Variants in LINGO2 observed in about 807,000 individuals in gnomAD.
LINGO2 encodes the protein leucine rich repeat and Ig domain containing 2.
LINGO2 carries 14 observed loss-of-function variants against 30.6 expected under a neutral mutation model. That is an observed-to-expected ratio of 0.46 (90% CI 0.30 to 0.72). The LOEUF (loss-of-function observed/expected upper bound fraction) is 0.72. Ranked by LOEUF, LINGO2 falls within the 30% of genes least tolerant of loss-of-function variation. LINGO2 has a pLI of 0.07. For missense variants in LINGO2, 729 were observed against 751.7 expected (o/e 0.97, Z 0.35); for synonymous variants, 317 against 288.5 (o/e 1.10, Z -1.00).
chr9:29,011,779 G>T, the LINGO2 span, among the ~76,000 whole-genome samples: 2 of 151,992 alleles, frequency 1.3e-5, no homozygotes, highest in African/African-American at 2.4e-5. Flanking sequence ...CATTAACCCC[G>T]AATTTATTAA....
intron 1 of LINGO2, among the ~76,000 whole-genome samples, chr9:28,653,784 G>A (rs185596467): frequency 6.6e-6 from 1 of 152,074 alleles, no homozygotes; most frequent in African/African-American, 2.4e-5. Flanking sequence ...TGATTGGTTG[G>A]TTCTCTCTTT....
At chr9:28,547,485 A>G (rs1822009911) in intron 1 of LINGO2, among the ~76,000 whole-genome samples, 1 of 152,108 alleles carries the variant, frequency 6.6e-6, no homozygotes, top group Non-Finnish European at 1.5e-5. Context: ...TAGAAACACT[A>G]AATTACTGCT....
chr9:28,543,160 T>A (rs1010031625), intron 1 of LINGO2, among the ~76,000 whole-genome samples: 6 of 151,984 alleles, frequency 3.9e-5, no homozygotes, highest in African/African-American at 1.4e-4. Context: ...AATATGAGAC[T>A]TCAAAATCAC....
intron 1 of LINGO2, among the ~76,000 whole-genome samples, chr9:28,530,433 TA>T (rs1163878479): frequency 1.3e-5 from 2 of 151,716 alleles, no homozygotes; most frequent in African/African-American, 2.4e-5. Flanking sequence ...CCAGCAAAAA[TA>T]AAAAAAAGTG....
chr9:29,005,878 A>C, the LINGO2 span, among the ~76,000 whole-genome samples: 1 of 151,862 alleles, frequency 6.6e-6, no homozygotes, highest in Non-Finnish European at 1.5e-5. Flanking sequence ...TATTATTGTT[A>C]TTATTGTTGT....
At chr9:28,692,921 G>C in the LINGO2 span, among the ~76,000 whole-genome samples, 1 of 151,874 alleles carries the variant, frequency 6.6e-6, no homozygotes, top group African/African-American at 2.4e-5. Flanking sequence ...ACATTGTAGA[G>C]GAAAAGACTA....
chr9:29,148,082 G>A, the LINGO2 span, among the ~76,000 whole-genome samples: 1 of 151,902 alleles, frequency 6.6e-6, no homozygotes. Context: ...TAATATTAAT[G>A]GCATTCACAG....
At chr9:28,667,479 C>T (rs1483201751) in intron 1 of LINGO2, among the ~76,000 whole-genome samples, 4 of 152,128 alleles carry the variant, frequency 2.6e-5, no homozygotes, top group Non-Finnish European at 5.9e-5. Flanking sequence ...CACGGTGGCT[C>T]ACGCTTGTAA....
At chr9:28,047,456 C>A (rs946352641) in intron 4 of LINGO2, among the ~76,000 whole-genome samples, 1 of 143,070 alleles carries the variant, frequency 7.0e-6, no homozygotes, top group African/African-American at 2.7e-5. Flanking sequence ...AGCACAGTAA[C>A]TTTTTATTCA....
At chr9:28,989,518 T>A in the LINGO2 span, among the ~76,000 whole-genome samples, 9 of 152,314 alleles carry the variant, frequency 5.9e-5, no homozygotes, top group Non-Finnish European at 1.2e-4. Flanking sequence ...ATCTAGAGCC[T>A]TGATTGCCTA....
chr9:28,740,741 G>A, the LINGO2 span, among the ~76,000 whole-genome samples: 1 of 152,006 alleles, frequency 6.6e-6, no homozygotes, highest in Non-Finnish European at 1.5e-5. Context: ...CACACGTTGA[G>A]GGATGATTCA....
At chr9:28,044,815 C>G (rs1032290428) in intron 4 of LINGO2, among the ~76,000 whole-genome samples, 2 of 152,110 alleles carry the variant, frequency 1.3e-5, no homozygotes, top group African/African-American at 4.8e-5. Flanking sequence ...GAATCAGAGA[C>G]TTTTCCGTAG....
intron 4 of LINGO2, among the ~76,000 whole-genome samples, chr9:28,086,206 TAA>T (rs1825909650): frequency 2.0e-5 from 3 of 151,760 alleles, no homozygotes; most frequent in Non-Finnish European, 4.4e-5. Context: ...TTTTTAACTA[TAA>T]AAAAATCCAC....
At chr9:28,240,283 A>G (rs1821735181) in intron 4 of LINGO2, among the ~76,000 whole-genome samples, 1 of 152,290 alleles carries the variant, frequency 6.6e-6, no homozygotes, top group Admixed American at 6.5e-5. Flanking sequence ...AACAATCCTA[A>G]AATTGATATG....
chr9:29,038,870 C>A, the LINGO2 span, among the ~76,000 whole-genome samples: 1 of 152,050 alleles, frequency 6.6e-6, no homozygotes, highest in African/African-American at 2.4e-5. Context: ...ACGCCTTAAC[C>A]GAGCAAATGC....
chr9:28,968,794 G>C, the LINGO2 span, among the ~76,000 whole-genome samples: 7 of 152,080 alleles, frequency 4.6e-5, no homozygotes, highest in Non-Finnish European at 1.0e-4. Flanking sequence ...GATGTATAAA[G>C]TGCAATTTTA....
chr9:28,191,207 T>C (rs1318194058), intron 4 of LINGO2, among the ~76,000 whole-genome samples: 1 of 152,216 alleles, frequency 6.6e-6, no homozygotes, highest in Non-Finnish European at 1.5e-5. Context: ...AACATTTTTG[T>C]GTAAAAATAA....
chr9:28,826,534 A>G, the LINGO2 span, among the ~76,000 whole-genome samples: 1 of 152,090 alleles, frequency 6.6e-6, no homozygotes, highest in African/African-American at 2.4e-5. Flanking sequence ...AGTCTTGTTA[A>G]ATATGCTCCA....
At chr9:28,277,849 AC>A (rs376355851) in intron 4 of LINGO2, among the ~76,000 whole-genome samples, 2 of 143,916 alleles carry the variant, frequency 1.4e-5, no homozygotes, top group South Asian at 2.2e-4. Flanking sequence ...AAAAAAAAAA[AC>A]AAAAAAAAAA....
Sources: allele counts gnomAD v4.1 joint callset (sites outside exome capture counted in the v4.1 genomes callset), GRCh38; gene constraint gnomAD v4.1.1; transcripts MANE v1.5; gene names NCBI Gene and HGNC (gene_info 2026-07-23, HGNC 2026-07-21).